Variants in PDE11A observed in about 807,000 individuals in gnomAD.
PDE11A encodes dual 3',5'-cyclic-AMP and -GMP phosphodiesterase 11A.
Under a neutral mutation model 100.5 loss-of-function variants are expected in PDE11A, and 100 were observed. That is an observed-to-expected ratio of 1.00 (90% CI 0.85 to 1.18). The LOEUF is 1.18. PDE11A is among the 50% of genes most tolerant of loss of function. The probability of loss-of-function intolerance (pLI) is 0.00; values close to 1 mark genes in which losing one functional copy is unlikely to be tolerated. For synonymous variants in PDE11A, 381 were observed against 420.8 expected (o/e 0.91, Z 1.16); for missense variants, 1,141 against 1,152.6 (o/e 0.99, Z 0.15).
upstream of PDE11A, among the ~76,000 whole-genome samples, chr2:178,077,683 G>C (rs898886987): frequency 2.6e-5 from 4 of 152,166 alleles, no homozygotes; most frequent in African/African-American, 7.2e-5. Context: ...ACTGGGAAGA[G>C]GGTCTTTGCA....
intron 2 of PDE11A, among the ~76,000 whole-genome samples, chr2:177,915,201 A>G (rs547742188): frequency 6.6e-6 from 1 of 152,330 alleles, no homozygotes; most frequent in South Asian, 2.1e-4. Flanking sequence ...CACATTATTA[A>G]CTAAAGTCTA....
intron 19 of PDE11A, among the ~76,000 whole-genome samples, chr2:177,656,971 C>T (rs759862884): frequency 2.6e-5 from 4 of 152,000 alleles, no homozygotes; most frequent in East Asian, 1.9e-4. Context: ...AGGGGGTTTC[C>T]GAATGCTATA....
chr2:177,721,088 T>C (rs2081519876), intron 12 of PDE11A, among the ~76,000 whole-genome samples: 1 of 152,150 alleles, frequency 6.6e-6, no homozygotes, highest in East Asian at 1.9e-4. Flanking sequence ...TTCTATTACA[T>C]TTATAACCAC....
At chr2:177,911,711 C>T (rs1397334978) in intron 2 of PDE11A, among the ~76,000 whole-genome samples, 2 of 152,020 alleles carry the variant, frequency 1.3e-5, no homozygotes, top group African/African-American at 2.4e-5. Context: ...TGGTGAAACC[C>T]CGTCTCTACC....
chr2:178,057,802 CT>C (rs1379398380), intron 1 of PDE11A, among the ~76,000 whole-genome samples: 1 of 152,144 alleles, frequency 6.6e-6, no homozygotes, highest in African/African-American at 2.4e-5. Flanking sequence ...CTGTCCTACC[CT>C]TATGTATGAG....
At chr2:177,682,190 C>A (rs1203003501) in intron 15 of PDE11A, among the ~76,000 whole-genome samples, 1 of 152,226 alleles carries the variant, frequency 6.6e-6, no homozygotes, top group Non-Finnish European at 1.5e-5. Flanking sequence ...ACCCTTTCAA[C>A]TAACTGCCAA....
intron 18 of PDE11A, among the ~76,000 whole-genome samples, chr2:177,665,813 T>C (rs1480413306): frequency 6.6e-6 from 1 of 150,396 alleles, no homozygotes; most frequent in Non-Finnish European, 1.5e-5. Context: ...GCCAAAATTG[T>C]GCCACTGCAC....
At chr2:177,804,853 C>T (rs926768635) in intron 9 of PDE11A, among the ~76,000 whole-genome samples, 1 of 151,888 alleles carries the variant, frequency 6.6e-6, no homozygotes. Context: ...AACATATGCT[C>T]TCACTTATAA....
chr2:177,633,356 C>A (rs575616747), intron 19 of PDE11A, among the ~76,000 whole-genome samples: 1 of 152,212 alleles, frequency 6.6e-6, no homozygotes, highest in Admixed American at 6.5e-5. Flanking sequence ...ACTCCAAGCA[C>A]AACTGCAAAC....
intron 19 of PDE11A, among the ~76,000 whole-genome samples, chr2:177,640,673 ACACCTCAGTGCTGCAGTTGGCTGGAAAT>A (rs2105446550): frequency 6.6e-6 from 1 of 152,328 alleles, no homozygotes; most frequent in African/African-American, 2.4e-5. Context: ...TTTACATGCC[ACACCTCAGTGCTGCAGTTGGCTGGAAAT>A]CACTTTGGCT....
intron 19 of PDE11A, among the ~76,000 whole-genome samples, chr2:177,634,482 T>G (rs924364676): frequency 6.6e-6 from 1 of 150,856 alleles, no homozygotes; most frequent in African/African-American, 2.5e-5. Flanking sequence ...TCCGCCTCCC[T>G]GGTTCAAGCG....
At chr2:178,086,405 G>C (rs1031375900) in intron 2 of PDE11A, among the ~76,000 whole-genome samples, 1 of 152,184 alleles carries the variant, frequency 6.6e-6, no homozygotes, top group Non-Finnish European at 1.5e-5. Flanking sequence ...GCCATCATTA[G>C]AGACCAGATA....
chr2:177,880,970 C>G (rs1263454296), intron 4 of PDE11A, among the ~76,000 whole-genome samples: 3 of 152,038 alleles, frequency 2.0e-5, no homozygotes, highest in Admixed American at 6.6e-5. Flanking sequence ...AGATAGCTGG[C>G]AAAACATTAT....
intron 12 of PDE11A, among the ~76,000 whole-genome samples, chr2:177,724,603 G>A (rs1345538507): frequency 1.3e-5 from 2 of 152,210 alleles, no homozygotes; most frequent in East Asian, 1.9e-4. Flanking sequence ...AGGTCACACG[G>A]AGAACACTAT....
At chr2:177,786,158 C>G (rs1574140288) in intron 9 of PDE11A, among the ~76,000 whole-genome samples, 1 of 152,222 alleles carries the variant, frequency 6.6e-6, no homozygotes, top group South Asian at 2.1e-4. Context: ...CAGACTGACA[C>G]CTCACACGGC....
intron 15 of PDE11A, among the ~76,000 whole-genome samples, chr2:177,684,935 G>T (rs1178561945): frequency 1.3e-5 from 2 of 152,172 alleles, no homozygotes; most frequent in Admixed American, 1.3e-4. Flanking sequence ...ACTTTGCTTG[G>T]CTGGGAGGAT....
intron 4 of PDE11A, 84 bp downstream of exon 4, chr2:177,897,974 C>A: frequency 8.4e-7 from 1 of 1,187,220 alleles, no homozygotes; most frequent in Admixed American, 1.7e-5. Context: ...AATCAAGTCA[C>A]AATTTCACAA....
At chr2:177,853,841 T>C (rs1034912853) in intron 5 of PDE11A, among the ~76,000 whole-genome samples, 3 of 144,368 alleles carry the variant, frequency 2.1e-5, no homozygotes, top group African/African-American at 7.6e-5. Context: ...TATATATATC[T>C]ATATATGTGT....
intron 10 of PDE11A, 90 bp downstream of exon 10, chr2:177,769,233 G>T: frequency 1.2e-6 from 1 of 813,388 alleles, no homozygotes; most frequent in South Asian, 1.3e-5. Flanking sequence ...CAATGGGCAG[G>T]ATTAATTCTC....
Sources: gnomAD v4.1 joint callset for allele counts (sites outside exome capture counted in the v4.1 genomes callset) on GRCh38, gnomAD v4.1.1 for gene constraint, MANE v1.5 for transcripts, NCBI Gene and HGNC (gene_info 2026-07-23, HGNC 2026-07-21) for gene names.